The following ANKH variants were observed in gnomAD, a reference collection of about 807,000 sequenced individuals.
ANKH encodes ANKH inorganic pyrophosphate transport regulator.
Under a neutral mutation model 49.0 loss-of-function variants are expected in ANKH, and 15 were observed. That is an observed-to-expected ratio of 0.31 (90% CI 0.20 to 0.47). The LOEUF (loss-of-function observed/expected upper bound fraction) is 0.47. Among genes scored for constraint, ANKH ranks in the 20% least tolerant of loss-of-function variants. The probability of loss-of-function intolerance (pLI) is 1.00; values close to 1 mark genes in which losing one functional copy is unlikely to be tolerated. For synonymous variants in ANKH, 273 were observed against 260.0 expected, an observed-to-expected ratio of 1.05 and a Z score of -0.48; for missense variants, 429 against 652.0, an observed-to-expected ratio of 0.66 and a Z score of 3.72.
chr5:14,857,804 C>A (rs572105150), intron 1 of ANKH, among the ~76,000 whole-genome samples: 15 of 152,284 alleles, frequency 9.9e-5, no homozygotes, highest in African/African-American at 3.6e-4. Flanking sequence ...AAAATAGCTT[C>A]AAGGGAGGGA....
At chr5:14,724,716 G>A (rs186769453) in intron 8 of ANKH, 71 of 301,974 alleles carry the variant, frequency 2.4e-4, no homozygotes, top group African/African-American at 5.7e-4. Context: ...ATTTGGAACC[G>A]GGATATGAAG....
chr5:14,786,099 A>C (rs1739968422), intron 1 of ANKH, among the ~76,000 whole-genome samples: 1 of 151,906 alleles, frequency 6.6e-6, no homozygotes, highest in Non-Finnish European at 1.5e-5. Flanking sequence ...AAAGTAAAAA[A>C]ATAACGTCTA....
intron 8 of ANKH, chr5:14,724,535 A>C: frequency 1.0e-6 from 1 of 985,192 alleles, no homozygotes; most frequent in Non-Finnish European, 1.2e-6. Flanking sequence ...CCAGCTTTAC[A>C]GACAGAAGAC....
chr5:14,755,120 C>T (rs1453400155), intron 4 of ANKH, among the ~76,000 whole-genome samples: 1 of 151,772 alleles, frequency 6.6e-6, no homozygotes, highest in Non-Finnish European at 1.5e-5. Flanking sequence ...ATAGTCTAAC[C>T]TCTTCCTCTA....
Position 14,710,888 on chromosome 5 carries a change from C to T in ANKH, c.*309G>A. 1 of 389,392 alleles carries T rather than the reference C, an allele frequency of 2.6e-6. No individual in the cohort carries two copies. Among genetic ancestry groups the T allele is most frequent in the South Asian group, 2.2e-5 (1 of 46,382 alleles). 24.1% of individuals were successfully genotyped at this position (389,392 alleles called of 1,614,324 possible). ...CCTTTGGTTCCAAGAGGAGATTGTC[C>T]AGGGGAGGAGGACACAACGTCAACC... On this transcript the variant is annotated 3_prime_UTR_variant, in exon 12 of 12. Coordinates refer to ENST00000284268, the MANE Select transcript of ANKH (RefSeq NM_054027.6).
chr5:14,736,038 T>TC (rs1423251072), intron 8 of ANKH, among the ~76,000 whole-genome samples: 2 of 131,316 alleles, frequency 1.5e-5, no homozygotes, highest in East Asian at 4.7e-4. Flanking sequence ...TTTTTTTTTT[T>TC]AAAGAATCAG....
intron 1 of ANKH, among the ~76,000 whole-genome samples, chr5:14,844,232 T>C (rs1344398487): frequency 1.3e-5 from 2 of 152,230 alleles, no homozygotes; most frequent in South Asian, 2.1e-4. Context: ...ATGTCTTATG[T>C]ACCTCTCCTA....
At chr5:14,791,854 AT>A (rs1740177868) in intron 1 of ANKH, among the ~76,000 whole-genome samples, 1 of 152,170 alleles carries the variant, frequency 6.6e-6, no homozygotes, top group African/African-American at 2.4e-5. Context: ...TCATCCAGCA[AT>A]TGCTTGGCTA....
chr5:14,838,964 A>G (rs913747000), intron 1 of ANKH, among the ~76,000 whole-genome samples: 6 of 152,160 alleles, frequency 3.9e-5, no homozygotes. Context: ...GTTAATGTTA[A>G]ATGACATTAC....
chr5:14,860,220 G>A (rs185542310), intron 1 of ANKH, among the ~76,000 whole-genome samples: 2 of 152,320 alleles, frequency 1.3e-5, no homozygotes, highest in African/African-American at 2.4e-5. Flanking sequence ...TCCAGAAGGC[G>A]GTGAGGGAGG....
intron 1 of ANKH, among the ~76,000 whole-genome samples, chr5:14,777,341 T>C (rs1295044828): frequency 5.3e-5 from 8 of 152,126 alleles, no homozygotes; most frequent in Admixed American, 3.3e-4. Flanking sequence ...CCAGAAAGTA[T>C]TGAGTGAGTC....
At position 14,713,419 on chromosome 5, in the gene ANKH, A is replaced by T; in HGVS notation, c.1265+125T>A. ...TGGTGCCTGGGCAGACACACAAAAC[A>T]TCATTCTGAATTTCCGATTCTAGAC... On this transcript the variant is annotated intron_variant, in intron 10 of 11. Transcript: ENST00000284268. This position sits in a 1 kb window ranked among gnomAD's most constrained non-coding sequence, Gnocchi z 4.4. 7.2e-7 allele frequency: 1 copy of T among 1,389,636 alleles called. No individual in the cohort carries two copies. Among genetic ancestry groups the T allele is most frequent in the Non-Finnish European group, 1.0e-6 (1 of 1,001,518 alleles). The allele number at this position is 1,389,636 out of a possible 1,614,324, so 86.1% of individuals were successfully genotyped here.
Position 14,866,420 on chromosome 5 carries a change from G to A in ANKH, c.96+4932C>T, listed in dbSNP as rs576733571. Among the ~76,000 whole-genome samples the A allele has an allele frequency of 9.2e-5, 14 of 152,206 alleles. No homozygotes were observed. In the South Asian group the frequency reaches 2.9e-3, roughly 32 times the overall value. On this transcript the variant is annotated intron_variant, in intron 1 of 11. Transcript: ENST00000284268. ...CCTTCAAGGTCTTCACAGCAACGTT[G>A]CCCTTAATATTTTAAGTAATACTGA...
At chr5:14,831,005 A>G (rs768247058) in intron 1 of ANKH, among the ~76,000 whole-genome samples, 3 of 152,190 alleles carry the variant, frequency 2.0e-5, no homozygotes, top group Non-Finnish European at 2.9e-5. Context: ...AAGTTAAATC[A>G]TTCACTTTTT....
intron 1 of ANKH, chr5:14,826,105 A>G (rs1238722438): frequency 6.5e-6 from 1 of 154,018 alleles, no homozygotes; most frequent in Non-Finnish European, 1.5e-5. Context: ...ATGCATGGTT[A>G]ACCTAATAAC....
At chr5:14,825,578 C>T (rs1489326301) in intron 1 of ANKH, among the ~76,000 whole-genome samples, 1 of 152,166 alleles carries the variant, frequency 6.6e-6, no homozygotes, top group African/African-American at 2.4e-5. Flanking sequence ...GTCTCAAACT[C>T]CTGGGCTCAA....
At position 14,745,993 on chromosome 5, in the gene ANKH, G is replaced by C; in HGVS notation, c.823-31C>G. 11 of 1,591,640 alleles carry C rather than the reference G, an allele frequency of 6.9e-6. No individual in the cohort carries two copies. The highest frequency in any genetic ancestry group is 9.5e-6 in the Non-Finnish European group (11 of 1,160,338). Reference sequence around the variant, plus strand: ...ACAGGAAGAGGTGGCAGAGTTAGCAGGGTACCAGCAGGAAGTCCTCCAGGA... The same window carrying C: ...ACAGGAAGAGGTGGCAGAGTTAGCACGGTACCAGCAGGAAGTCCTCCAGGA... On this transcript the variant is annotated intron_variant, in intron 6 of 11. Transcript: ENST00000284268. This position sits in a 1 kb window ranked among gnomAD's most constrained non-coding sequence, Gnocchi z 4.7.
rs138511154 is a variant in ANKH, at chr5:14,742,505, C to G, written c.916-583G>C. Among the ~76,000 whole-genome samples the G allele has an allele frequency of 1.7e-3, 256 of 152,280 alleles. 1 individual carries two copies. The highest frequency in any genetic ancestry group is 5.8e-3 in the African/African-American group (240 of 41,560). ...CCTCCTGCCATTGAATCCTGATTTT[C>G]AAAAACATCCCTCTTTCTAAGGCCC... On this transcript the variant is annotated intron_variant, in intron 7 of 11. Coordinates refer to ENST00000284268, the MANE Select transcript of ANKH (RefSeq NM_054027.6).
At chr5:14,861,723 T>C (rs759223212) in intron 1 of ANKH, among the ~76,000 whole-genome samples, 10 of 152,114 alleles carry the variant, frequency 6.6e-5, no homozygotes, top group Admixed American at 1.3e-4. Flanking sequence ...CTCTGAAAAA[T>C]GTCATTACTG....
Sources: gnomAD v4.1 joint callset for allele counts (sites outside exome capture counted in the v4.1 genomes callset) on GRCh38, gnomAD v4.1.1 for gene constraint, Gnocchi (gnomAD v3.1) non-coding constraint, MANE v1.5 for transcripts, NCBI Gene and HGNC (gene_info 2026-07-23, HGNC 2026-07-21) for gene names.